Variants in GALNT16 observed in about 807,000 individuals in gnomAD.
GALNT16 encodes polypeptide N-acetylgalactosaminyltransferase 16, also known as UDP-GalNAc:polypeptide N-acetylgalactosaminyltransferase-like protein 1.
GALNT16 carries 40 observed loss-of-function variants against 76.1 expected under a neutral mutation model. The observed-to-expected ratio is 0.53, with a 90% CI of 0.41 to 0.68. GALNT16 has a LOEUF of 0.68. GALNT16 is among the 30% of genes least tolerant of loss of function. GALNT16 has a pLI of 0.00. For synonymous variants in GALNT16, 276 were observed against 285.2 expected (o/e 0.97, Z 0.32); for missense variants, 621 against 731.9 (o/e 0.85, Z 1.75).
Position 69,333,174 on chromosome 14 carries a change from G to A in GALNT16, c.863+5G>A, listed in dbSNP as rs1305501558. On this transcript the variant is annotated splice_donor_5th_base_variant and intron_variant, in intron 8 of 14. Coordinates refer to ENST00000448469, the MANE Select transcript of GALNT16 (RefSeq NM_001168368.2). The surrounding 1 kb of genome is among the most constrained non-coding windows in gnomAD (Gnocchi z 4.2). ...AGACCCCACCAGGCCCATAAGGTCA[G>A]AGCTGCGGTGGGCTCTGGGGGACCC... The A allele has an allele frequency of 1.3e-6, 2 of 1,589,454 alleles. No homozygotes were observed. Among genetic ancestry groups the A allele is most frequent in the Non-Finnish European group, 1.7e-6 (2 of 1,160,738 alleles).
At chr14:69,283,048 T>A (rs2044564672) in intron 1 of GALNT16, among the ~76,000 whole-genome samples, 1 of 152,216 alleles carries the variant, frequency 6.6e-6, no homozygotes, top group Admixed American at 6.5e-5. Context: ...CAAGGCCATC[T>A]GTGGTGTTCA....
chr14:69,328,521 T>G lies in GALNT16; in HGVS notation c.640T>G (p.Cys214Gly). ...CGTTCTCACCTTTCTGGATAGCCAC[T>G]GCGAAGTGAACACCGAGTGGCTGCC... ...ATVLTFLDSH[C>G]EVNTEWLPPM... is the part of the protein sequence containing the mutation. Residue 214 changes from cysteine to glycine, a missense_variant, in exon 6 of 15, where the codon TGC becomes GGC. By Grantham distance (159) the Cys-to-Gly change is radical. Coordinates refer to ENST00000448469, the MANE Select transcript of GALNT16 (RefSeq NM_001168368.2). The G allele has an allele frequency of 6.2e-7, 1 of 1,614,036 alleles. No individual in the cohort carries two copies. The highest frequency in any genetic ancestry group is 8.5e-7 in the Non-Finnish European group (1 of 1,180,012).
chr14:69,326,676 C>G (rs1017528415), intron 5 of GALNT16, among the ~76,000 whole-genome samples: 1 of 152,190 alleles, frequency 6.6e-6, no homozygotes, highest in Non-Finnish European at 1.5e-5. Flanking sequence ...GTGCACTCTG[C>G]AAGCAAAGGC....
chr14:69,284,075 T>C (rs1022764807), intron 1 of GALNT16, among the ~76,000 whole-genome samples: 20 of 152,182 alleles, frequency 1.3e-4, no homozygotes, highest in African/African-American at 4.8e-4. Flanking sequence ...TTTTGGGTGC[T>C]CACACCTGCC....
chr14:69,318,366 G>A (rs1159302573), intron 1 of GALNT16, among the ~76,000 whole-genome samples: 1 of 152,230 alleles, frequency 6.6e-6, no homozygotes, highest in African/African-American at 2.4e-5. Flanking sequence ...CCATGGCCCT[G>A]AGGAAGCCTT....
At chr14:69,312,368 A>G (rs948689217) in intron 1 of GALNT16, among the ~76,000 whole-genome samples, 1 of 152,226 alleles carries the variant, frequency 6.6e-6, no homozygotes, top group African/African-American at 2.4e-5. Context: ...TTGTGACTAC[A>G]GCAGAAGTGG....
At chr14:69,357,172 G>A (rs1443480835), downstream of GALNT16, 1 of 152,236 alleles carries the variant, frequency 6.6e-6, no homozygotes, top group African/African-American at 2.4e-5. Context: ...AAAGCTACAG[G>A]GGAAGGCAGG....
intron 5 of GALNT16, 69 bp downstream of exon 5, chr14:69,326,096 CTCTT>C: frequency 8.5e-7 from 1 of 1,182,160 alleles, no homozygotes; most frequent in African/African-American, 1.5e-5. Context: ...TCCCCACTCT[CTCTT>C]GGTGCCGTGG....
At chr14:69,306,976 G>A (rs1485435989) in intron 1 of GALNT16, among the ~76,000 whole-genome samples, 1 of 152,172 alleles carries the variant, frequency 6.6e-6, no homozygotes, top group Non-Finnish European at 1.5e-5. Context: ...ATTCCTCACA[G>A]AGGACCCTCA....
chr14:69,320,637 G>T (rs1022356136), intron 1 of GALNT16, 74 bp from the exon 2 acceptor site: 1 of 1,428,856 alleles, frequency 7.0e-7, no homozygotes, highest in Non-Finnish European at 9.6e-7. Context: ...CTCCCGCCTG[G>T]TGTGTGCTGA....
the GALNT16 span, among the ~76,000 whole-genome samples, chr14:69,384,778 A>G: frequency 6.6e-6 from 1 of 152,250 alleles, no homozygotes; most frequent in Non-Finnish European, 1.5e-5. Flanking sequence ...GAGATGCAGC[A>G]GTGAACAAAC....
At chr14:69,277,398 G>A (rs1040951656) in intron 1 of GALNT16, among the ~76,000 whole-genome samples, 2 of 151,982 alleles carry the variant, frequency 1.3e-5, no homozygotes, top group Admixed American at 6.5e-5. Flanking sequence ...GACAGGCCCC[G>A]GTGTGTGATG....
At chr14:69,305,781 CTTTG>C (rs2044924433) in intron 1 of GALNT16, among the ~76,000 whole-genome samples, 1 of 151,996 alleles carries the variant, frequency 6.6e-6, no homozygotes, top group Non-Finnish European at 1.5e-5. Flanking sequence ...TTTAATCCGG[CTTTG>C]TTTATTTTTG....
intron 1 of GALNT16, among the ~76,000 whole-genome samples, chr14:69,310,553 A>G (rs1313525993): frequency 6.6e-6 from 1 of 152,226 alleles, no homozygotes; most frequent in Non-Finnish European, 1.5e-5. Context: ...CTATCACATT[A>G]CAATACATGA....
intron 1 of GALNT16, among the ~76,000 whole-genome samples, chr14:69,314,496 T>A (rs2045072298): frequency 6.6e-6 from 1 of 152,216 alleles, no homozygotes; most frequent in Non-Finnish European, 1.5e-5. Flanking sequence ...CACTCAGGCC[T>A]CCCCTGTACC....
intron 14 of GALNT16, chr14:69,349,337 C>G (rs901959307): frequency 6.6e-6 from 1 of 152,248 alleles, no homozygotes; most frequent in South Asian, 2.1e-4. Context: ...TCAATTGCCC[C>G]TCTGGGGCTG....
At chr14:69,290,646 G>A (rs888666426) in intron 1 of GALNT16, among the ~76,000 whole-genome samples, 1 of 152,204 alleles carries the variant, frequency 6.6e-6, no homozygotes, top group Non-Finnish European at 1.5e-5. Flanking sequence ...TGTGACTCTT[G>A]AAAGTGCCTC....
At chr14:69,290,479 G>T (rs947237910) in intron 1 of GALNT16, among the ~76,000 whole-genome samples, 1 of 152,362 alleles carries the variant, frequency 6.6e-6, no homozygotes, top group Non-Finnish European at 1.5e-5. Flanking sequence ...CTCTGCAGAG[G>T]AGCTGAGACA....
the GALNT16 span, among the ~76,000 whole-genome samples, chr14:69,374,835 C>A: frequency 2.6e-5 from 4 of 152,174 alleles, no homozygotes; most frequent in Non-Finnish European, 5.9e-5. Flanking sequence ...GCCTTCATGT[C>A]ATCCCATGGT....
Sources: gnomAD v4.1 joint callset for allele counts (sites outside exome capture counted in the v4.1 genomes callset) on GRCh38, gnomAD v4.1.1 for gene constraint, Gnocchi (gnomAD v3.1) non-coding constraint, MANE v1.5 for transcripts, NCBI Gene and HGNC (gene_info 2026-07-23, HGNC 2026-07-21) for gene names.